The following CRPPA variants were observed in gnomAD, a reference collection of about 807,000 sequenced individuals.
The protein encoded by CRPPA is CDP-L-ribitol pyrophosphorylase A, also known as D-ribitol-5-phosphate cytidylyltransferase.
In CRPPA, 43 loss-of-function variants were observed where a neutral mutation model predicts 52.0. The observed-to-expected ratio is 0.83, with a 90% confidence interval of 0.65 to 1.07. The LOEUF is 1.07. Among genes scored for constraint, CRPPA ranks in the 50% least tolerant of loss-of-function variants. The pLI, the probability that CRPPA is intolerant of heterozygous loss-of-function variation, is 0.00. For synonymous variants in CRPPA, 250 were observed against 203.5 expected (o/e 1.23, Z -1.94); for missense variants, 629 against 551.7 (o/e 1.14, Z -1.40).
chr7:16,389,921 AAAAAAAAATATATATATATAT>A (rs952875167), intron 2 of CRPPA, among the ~76,000 whole-genome samples: 1 of 80,982 alleles, frequency 1.2e-5, no homozygotes, highest in Non-Finnish European at 2.4e-5. Context: ...TACAAAAAAA[AAAAAAAAATATATATATATAT>A]ATATATATAT....
intron 3 of CRPPA, among the ~76,000 whole-genome samples, chr7:16,312,514 A>T (rs1785056368): frequency 6.6e-6 from 1 of 152,020 alleles, no homozygotes; most frequent in Non-Finnish European, 1.5e-5. Context: ...CAATGCTTTC[A>T]GATTTCCCAT....
At chr7:16,384,169 A>G (rs1318791510) in intron 2 of CRPPA, among the ~76,000 whole-genome samples, 1 of 152,120 alleles carries the variant, frequency 6.6e-6, no homozygotes. Context: ...CTCATGATGC[A>G]GTTAGCCACT....
At chr7:16,356,957 C>A (rs899719632) in intron 3 of CRPPA, among the ~76,000 whole-genome samples, 1 of 152,086 alleles carries the variant, frequency 6.6e-6, no homozygotes, top group Non-Finnish European at 1.5e-5. Context: ...TCTGGGATAT[C>A]AATGAAAAGC....
Position 16,278,115 on chromosome 7 carries a change from C to G in CRPPA, c.933+14G>C. The G allele has an allele frequency of 7.4e-7, 1 of 1,357,218 alleles. No homozygotes were observed. The highest frequency in any genetic ancestry group is 1.0e-6 in the Non-Finnish European group (1 of 964,512). 84.1% of individuals were successfully genotyped at this position (1,357,218 alleles called of 1,614,324 possible). A position where few individuals can be genotyped will look rare whatever the true frequency, so the allele number is the denominator to read the frequency against. ...GCAATCAAAGTTTATCAAACTCAGT[C>G]TTTGAATACTTACATTTAATTCACT... is the stretch of plus-strand genomic sequence containing the variant. On this transcript the variant is annotated intron_variant, in intron 6 of 9. Transcript: ENST00000407010.
At chr7:16,390,926 G>A (rs372938295) in intron 2 of CRPPA, among the ~76,000 whole-genome samples, 39 of 152,212 alleles carry the variant, frequency 2.6e-4, no homozygotes, top group Middle Eastern at 3.4e-3. Context: ...CTTAGTTCAG[G>A]AGCCTAGTCG....
intron 3 of CRPPA, among the ~76,000 whole-genome samples, chr7:16,316,746 AC>A (rs1785152925): frequency 6.6e-6 from 1 of 152,034 alleles, no homozygotes; most frequent in African/African-American, 2.4e-5. Context: ...AGTCCAAGCT[AC>A]TCAGAAGGCT....
chr7:16,368,761 T>G (rs916085143), intron 3 of CRPPA, among the ~76,000 whole-genome samples: 6 of 152,176 alleles, frequency 3.9e-5, no homozygotes, highest in Non-Finnish European at 5.9e-5. Flanking sequence ...AAATAAAGGT[T>G]CAGTAAAAAT....
At chr7:16,369,685 CA>C (rs1438254640) in intron 3 of CRPPA, among the ~76,000 whole-genome samples, 1 of 151,850 alleles carries the variant, frequency 6.6e-6, no homozygotes, top group Non-Finnish European at 1.5e-5. Flanking sequence ...TTTTTGCCCC[CA>C]AGATGGCAGA....
At chr7:16,266,887 AC>A in intron 6 of CRPPA, among the ~76,000 whole-genome samples, 1 of 152,314 alleles carries the variant, frequency 6.6e-6, no homozygotes, top group East Asian at 1.9e-4. Context: ...TTATACTATA[AC>A]TAAAAGACAG....
intron 3 of CRPPA, among the ~76,000 whole-genome samples, chr7:16,309,794 G>C (rs557589173): frequency 6.6e-6 from 1 of 152,150 alleles, no homozygotes; most frequent in Admixed American, 6.5e-5. Flanking sequence ...GCTACTGAAA[G>C]AATATAAAAC....
intron 9 of CRPPA, among the ~76,000 whole-genome samples, 191 bp downstream of exon 9, chr7:16,215,875 T>G (rs1782290468): frequency 6.6e-6 from 1 of 152,246 alleles, no homozygotes; most frequent in Admixed American, 6.5e-5. Context: ...TCCCCAATGC[T>G]AATAGTTTTA....
At chr7:16,357,368 A>T (rs1238659688) in intron 3 of CRPPA, among the ~76,000 whole-genome samples, 2 of 151,994 alleles carry the variant, frequency 1.3e-5, no homozygotes, top group African/African-American at 4.8e-5. Flanking sequence ...TAGTGGATAC[A>T]GGATTTTACC....
intron 8 of CRPPA, among the ~76,000 whole-genome samples, chr7:16,246,163 T>G (rs889064930): frequency 2.6e-5 from 4 of 152,172 alleles, no homozygotes; most frequent in Non-Finnish European, 5.9e-5. Context: ...TCAACTAAGT[T>G]TATATAATAT....
chr7:16,214,463 CA>C (rs1782247604), intron 9 of CRPPA, among the ~76,000 whole-genome samples: 1 of 152,102 alleles, frequency 6.6e-6, no homozygotes, highest in Non-Finnish European at 1.5e-5. Context: ...AGAAAAAGAA[CA>C]GATTTTTCCC....
intron 8 of CRPPA, among the ~76,000 whole-genome samples, chr7:16,238,872 T>G (rs1036174307): frequency 4.6e-5 from 7 of 152,158 alleles, no homozygotes; most frequent in Non-Finnish European, 8.8e-5. Flanking sequence ...GCACAGTGGC[T>G]CATGCCTGTA....
intron 9 of CRPPA, among the ~76,000 whole-genome samples, chr7:16,167,191 G>C (rs781486366): frequency 1.3e-5 from 2 of 152,154 alleles, no homozygotes; most frequent in Non-Finnish European, 2.9e-5. Flanking sequence ...CTCTCAGAGT[G>C]CTGGGATTAC....
chr7:16,159,688 T>C lies in CRPPA; in HGVS notation c.1251+56378A>G, dbSNP rs541359002. Among the ~76,000 whole-genome samples, 26 of 152,366 alleles carry C rather than the reference T, an allele frequency of 1.7e-4. No individual in the cohort carries two copies. In the South Asian group the frequency reaches 3.7e-3, roughly 22 times the overall value. On this transcript the variant is annotated intron_variant, in intron 9 of 9. Coordinates refer to ENST00000407010, the MANE Select transcript of CRPPA (RefSeq NM_001101426.4). ...AAACATAAGTATGCATGTGTCTTCA[T>C]AGCAGAATAATTTATAATCCTTTGG... is the stretch of plus-strand genomic sequence containing the variant.
At chr7:16,387,070 TATATATATATATATATAC>T (rs1190775928) in intron 2 of CRPPA, among the ~76,000 whole-genome samples, 21 of 67,586 alleles carry the variant, frequency 3.1e-4, no homozygotes, top group African/African-American at 1.7e-3. Flanking sequence ...TATATATATA[TATATATATATATATATAC>T]ACACATATAT....
chr7:16,260,802 T>C lies in CRPPA; in HGVS notation c.934-1790A>G, dbSNP rs558902500. ...ATGAGAGATATTCTGATTCAGTTTTTTTGAAGTATTAAAATAAATTTCTTT... is the reference window on the plus strand; with the variant it reads ...ATGAGAGATATTCTGATTCAGTTTTCTTGAAGTATTAAAATAAATTTCTTT... On this transcript the variant is annotated intron_variant, in intron 6 of 9. Coordinates refer to ENST00000407010, the MANE Select transcript of CRPPA (RefSeq NM_001101426.4). Among the ~76,000 whole-genome samples the C allele has an allele frequency of 1.6e-4, 25 of 152,188 alleles. No homozygotes were observed. The South Asian group carries it at 4.1e-3, about 25-fold the overall frequency.
Sources: gnomAD v4.1 joint callset for allele counts (sites outside exome capture counted in the v4.1 genomes callset) on GRCh38, gnomAD v4.1.1 for gene constraint, MANE v1.5 for transcripts, NCBI Gene and HGNC (gene_info 2026-07-23, HGNC 2026-07-21) for gene names.